DYNC1I1: variants seen among roughly 807,000 people sequenced by gnomAD.
DYNC1I1 encodes the protein cytoplasmic dynein 1 intermediate chain 1.
DYNC1I1 carries 43 observed loss-of-function variants against 86.6 expected under a neutral mutation model. The ratio of observed to expected loss-of-function variants is 0.50; its 90% CI spans 0.39 to 0.64. DYNC1I1 has a LOEUF of 0.64. DYNC1I1 is among the 30% of genes least tolerant of loss of function. The pLI is 0.00. For synonymous variants in DYNC1I1, 262 were observed against 283.7 expected (o/e 0.92, Z 0.77); for missense variants, 604 against 788.8 (o/e 0.77, Z 2.81).
chr7:96,047,467 T>A lies in DYNC1I1; in HGVS notation c.1509+8046T>A, dbSNP rs147799025. Among the ~76,000 whole-genome samples, 91 of 152,242 alleles carry A rather than the reference T, an allele frequency of 6.0e-4. 1 individual carries two copies. The highest frequency in any genetic ancestry group is 6.8e-3 in the Middle Eastern group (2 of 294). ...GTGCTGAGGCGTGAGAACAGGATGC[T>A]CAATAAAGAATGTGATAAAGACTGT... On this transcript the variant is annotated intron_variant, in intron 14 of 16. Transcript: ENST00000447467.
chr7:95,967,933 G>A (rs1254146490), intron 6 of DYNC1I1, among the ~76,000 whole-genome samples: 2 of 152,190 alleles, frequency 1.3e-5, no homozygotes, highest in African/African-American at 2.4e-5. Flanking sequence ...GGTGAACACA[G>A]TAGAGGACAT....
intron 15 of DYNC1I1, among the ~76,000 whole-genome samples, chr7:96,079,159 T>C (rs1790436678): frequency 1.3e-5 from 2 of 152,156 alleles, no homozygotes; most frequent in African/African-American, 2.4e-5. Flanking sequence ...ATTTTAAAGA[T>C]AGGTATTGGG....
At chr7:95,925,147 C>T (rs994241375) in intron 6 of DYNC1I1, among the ~76,000 whole-genome samples, 2 of 152,124 alleles carry the variant, frequency 1.3e-5, no homozygotes, top group African/African-American at 4.8e-5. Context: ...CGTTCATTAC[C>T]ATTAGGATAT....
chr7:95,972,981 C>A (rs928418237), intron 6 of DYNC1I1, among the ~76,000 whole-genome samples: 4 of 152,100 alleles, frequency 2.6e-5, no homozygotes, highest in African/African-American at 9.7e-5. Context: ...TAGAAATTAG[C>A]CCCTTGGATT....
intron 10 of DYNC1I1, 79 bp from the exon 11 acceptor site, chr7:96,028,096 G>T: frequency 6.5e-7 from 1 of 1,543,580 alleles, no homozygotes; most frequent in Admixed American, 1.8e-5. Flanking sequence ...TTTATGTGAT[G>T]AACTGTTTTC....
At chr7:96,094,784 G>T (rs1790954489) in intron 16 of DYNC1I1, among the ~76,000 whole-genome samples, 1 of 152,166 alleles carries the variant, frequency 6.6e-6, no homozygotes, top group African/African-American at 2.4e-5. Flanking sequence ...AGGATAGTAG[G>T]ATGAGGTAGA....
At chr7:95,779,575 A>G (rs1793933106) in intron 1 of DYNC1I1, among the ~76,000 whole-genome samples, 4 of 152,278 alleles carry the variant, frequency 2.6e-5, no homozygotes, top group Middle Eastern at 6.8e-3. Context: ...TTGTTTTTTT[A>G]TAACAAAAAA....
intron 6 of DYNC1I1, among the ~76,000 whole-genome samples, chr7:95,909,635 C>T (rs1791275705): frequency 6.6e-6 from 1 of 152,046 alleles, no homozygotes; most frequent in Non-Finnish European, 1.5e-5. Flanking sequence ...ATCGCATCAC[C>T]CCCTTGCTTA....
chr7:95,880,625 A>T (rs1239302974), intron 6 of DYNC1I1, among the ~76,000 whole-genome samples: 2 of 146,904 alleles, frequency 1.4e-5, no homozygotes, highest in African/African-American at 5.0e-5. Flanking sequence ...TTTCTTCATA[A>T]CCTACATCTT....
Position 96,076,163 on chromosome 7 carries a change from G to T in DYNC1I1, c.1616G>T (p.Arg539Leu), listed in dbSNP as rs747977134. 1.2e-6 allele frequency: 2 copies of T among 1,614,162 alleles called. No individual in the cohort carries two copies. Among genetic ancestry groups the T allele is most frequent in the Non-Finnish European group, 1.7e-6 (2 of 1,180,022 alleles). Residue 539 changes from arginine (R) to leucine (L), a missense_variant, in exon 15 of 17, where the codon CGC becomes CTC. By Grantham distance (102) the Arg-to-Leu change is moderately radical. Transcript: ENST00000447467. ...ALFACVDGMG[R>L]LDLWNLNNDT... ...TTTGCCTGCGTGGACGGGATGGGGCGCTTGGACCTCTGGAACCTCAACAAT... is the reference window on the plus strand; with the variant it reads ...TTTGCCTGCGTGGACGGGATGGGGCTCTTGGACCTCTGGAACCTCAACAAT...
At chr7:95,856,601 C>T (rs1180616022) in intron 5 of DYNC1I1, among the ~76,000 whole-genome samples, 1 of 152,138 alleles carries the variant, frequency 6.6e-6, no homozygotes, top group Admixed American at 6.5e-5. Context: ...GTTCCTGTTT[C>T]AGGTTTAACA....
chr7:96,062,092 T>C (rs534215297), intron 14 of DYNC1I1, among the ~76,000 whole-genome samples: 1 of 152,328 alleles, frequency 6.6e-6, no homozygotes, highest in Non-Finnish European at 1.5e-5. Flanking sequence ...AACATGATTT[T>C]TAGTTTTGCC....
chr7:95,962,345 C>G (rs983873258), intron 6 of DYNC1I1, among the ~76,000 whole-genome samples: 1 of 152,174 alleles, frequency 6.6e-6, no homozygotes, highest in African/African-American at 2.4e-5. Context: ...GTTGTTTGAA[C>G]TATGTTTAGA....
chr7:96,092,698 C>A (rs452), intron 16 of DYNC1I1, among the ~76,000 whole-genome samples: 62,759 of 151,886 alleles, frequency 0.41, 14,011 homozygotes, highest in Non-Finnish European at 0.5. Flanking sequence ...GGGGACTGAT[C>A]CCTGACATGG....
intron 6 of DYNC1I1, among the ~76,000 whole-genome samples, chr7:95,913,632 C>A (rs1003353604): frequency 1.3e-5 from 2 of 152,184 alleles, no homozygotes; most frequent in African/African-American, 4.8e-5. Flanking sequence ...CCAAGTGGAA[C>A]TGTGAGTCCA....
Position 95,818,452 on chromosome 7 carries a change from C to G in DYNC1I1, c.314+5115C>G, listed in dbSNP as rs746898397. 5 of 670,596 alleles carry G rather than the reference C, an allele frequency of 7.5e-6. 1 individual carries two copies. In the South Asian group the frequency reaches 8.2e-5, roughly 11 times the overall value. 41.5% of individuals were successfully genotyped at this position (670,596 alleles called of 1,614,324 possible). A position where few individuals can be genotyped will look rare whatever the true frequency, so the allele number is the denominator to read the frequency against. On this transcript the variant is annotated intron_variant, in intron 4 of 16. Transcript: ENST00000447467. ...GCATAGCTAGGAGTACAGTTGCATA[C>G]CACCACACCCAGCTGATTTAATTTT...
intron 10 of DYNC1I1, among the ~76,000 whole-genome samples, chr7:96,017,021 C>G (rs900102598): frequency 1.3e-5 from 2 of 152,050 alleles, no homozygotes; most frequent in African/African-American, 4.8e-5. Flanking sequence ...ACAAGTCTTC[C>G]CTCCCTTTTT....
intron 14 of DYNC1I1, among the ~76,000 whole-genome samples, chr7:96,070,659 T>C (rs1790133949): frequency 6.6e-6 from 1 of 152,184 alleles, no homozygotes; most frequent in Non-Finnish European, 1.5e-5. Flanking sequence ...CCAAAGATAT[T>C]TTCATGGTTT....
At chr7:96,022,663 G>A (rs984879956) in intron 10 of DYNC1I1, among the ~76,000 whole-genome samples, 2 of 151,884 alleles carry the variant, frequency 1.3e-5, no homozygotes, top group African/African-American at 4.8e-5. Flanking sequence ...AGGAGTTTGA[G>A]ACCAGCCATG....
Sources: allele counts gnomAD v4.1 joint callset (sites outside exome capture counted in the v4.1 genomes callset), GRCh38; gene constraint gnomAD v4.1.1; transcripts MANE v1.5; gene names NCBI Gene and HGNC (gene_info 2026-07-23, HGNC 2026-07-21).